The following ITGA9 variants were observed in gnomAD, a reference collection of about 807,000 sequenced individuals.
The protein encoded by ITGA9 is integrin alpha-9.
ITGA9 carries 56 observed loss-of-function variants against 127.8 expected under a neutral mutation model. The observed-to-expected ratio is 0.44, with a 90% confidence interval of 0.35 to 0.55. ITGA9 has a LOEUF of 0.55. Ranked by LOEUF, ITGA9 falls within the 20% of genes least tolerant of loss-of-function variation. The probability of loss-of-function intolerance (pLI) is 0.00; values close to 1 mark genes in which losing one functional copy is unlikely to be tolerated. For missense variants in ITGA9, 1,196 were observed against 1,347.1 expected, an observed-to-expected ratio of 0.89 and a Z score of 1.76; for synonymous variants, 508 against 514.5, an observed-to-expected ratio of 0.99 and a Z score of 0.17.
intron 18 of ITGA9, among the ~76,000 whole-genome samples, chr3:37,712,949 A>G (rs2125679499): frequency 6.6e-6 from 1 of 152,302 alleles, no homozygotes; most frequent in East Asian, 1.9e-4. Context: ...CACTCAGAGC[A>G]GGCAAGTAGC....
At chr3:37,486,292 C>T (rs926890646) in intron 4 of ITGA9, among the ~76,000 whole-genome samples, 2 of 152,190 alleles carry the variant, frequency 1.3e-5, no homozygotes. Flanking sequence ...AATTATGATG[C>T]CATGGTATGT....
At chr3:37,618,167 G>A (rs1371966957) in intron 15 of ITGA9, among the ~76,000 whole-genome samples, 1 of 152,180 alleles carries the variant, frequency 6.6e-6, no homozygotes, top group Non-Finnish European at 1.5e-5. Context: ...TGTTTGTTAG[G>A]TTTCCTTCTA....
chr3:37,499,021 C>T (rs1021455545), intron 5 of ITGA9, among the ~76,000 whole-genome samples: 10 of 152,200 alleles, frequency 6.6e-5, no homozygotes, highest in African/African-American at 2.4e-4. Context: ...CTATGTTGCC[C>T]CAAAATATTT....
intron 15 of ITGA9, among the ~76,000 whole-genome samples, chr3:37,616,574 C>T: frequency 6.6e-6 from 1 of 152,124 alleles, no homozygotes; most frequent in Non-Finnish European, 1.5e-5. Context: ...GTGTTAAAGT[C>T]TCCCATTATA....
chr3:37,472,661 G>T (rs911043996), intron 2 of ITGA9, among the ~76,000 whole-genome samples: 2 of 152,144 alleles, frequency 1.3e-5, no homozygotes, highest in Non-Finnish European at 2.9e-5. Flanking sequence ...CTCCCAAAGT[G>T]CTGGGATTAC....
intron 8 of ITGA9, among the ~76,000 whole-genome samples, chr3:37,510,841 T>C (rs2125574651): frequency 6.6e-6 from 1 of 152,348 alleles, no homozygotes; most frequent in Non-Finnish European, 1.5e-5. Context: ...CTCACAGTCC[T>C]CTTGCCTTCA....
intron 15 of ITGA9, among the ~76,000 whole-genome samples, chr3:37,560,881 G>A (rs1433139536): frequency 6.6e-6 from 1 of 152,224 alleles, no homozygotes; most frequent in East Asian, 1.9e-4. Flanking sequence ...AGGATCAGGT[G>A]TCCACAGGTT....
intron 17 of ITGA9, among the ~76,000 whole-genome samples, chr3:37,662,696 G>A (rs1700549816): frequency 6.6e-6 from 1 of 152,142 alleles, no homozygotes; most frequent in African/African-American, 2.4e-5. Context: ...CTTCACAAGG[G>A]CAACTTGGAC....
At chr3:37,590,238 C>T (rs1699802281) in intron 15 of ITGA9, among the ~76,000 whole-genome samples, 1 of 152,234 alleles carries the variant, frequency 6.6e-6, no homozygotes, top group South Asian at 2.1e-4. Flanking sequence ...TGGGCTCTCC[C>T]TGCTCCCCAT....
In ITGA9 at chr3:37,757,001, C is replaced by T. The variant is rs551551721; in HGVS notation, c.2541+6432C>T. ...AGTGAGCGGTTGTTCATATCAAAAC[C>T]AATGGGATTTAGACAAAACCAACAC... On this transcript the variant is annotated intron_variant, in intron 23 of 27. Coordinates refer to ENST00000264741, the MANE Select transcript of ITGA9 (RefSeq NM_002207.3). 1.9e-4 allele frequency among the ~76,000 whole-genome samples: 29 copies of T among 149,298 alleles called. 1 individual carries two copies. Among genetic ancestry groups the T allele is most frequent in the South Asian group, 1.0e-3 (5 of 4,822 alleles).
rs568122220 is a variant in ITGA9, at chr3:37,578,652, G to T, written c.1689+36067G>T. On this transcript the variant is annotated intron_variant, in intron 15 of 27. Coordinates refer to ENST00000264741, the MANE Select transcript of ITGA9 (RefSeq NM_002207.3). Reference sequence around the variant, plus strand: ...GGCCCTGGACCACCACTCTGATTTGGATTTAGATGGGCTCAGGAATTTTGT... The same window carrying T: ...GGCCCTGGACCACCACTCTGATTTGTATTTAGATGGGCTCAGGAATTTTGT... Among the ~76,000 whole-genome samples, 46 of 152,216 alleles carry T rather than the reference G, an allele frequency of 3.0e-4. No individual in the cohort carries two copies. In the South Asian group the frequency reaches 9.1e-3, roughly 30 times the overall value.
chr3:37,697,564 C>A (rs1414370328), intron 18 of ITGA9, among the ~76,000 whole-genome samples: 1 of 152,042 alleles, frequency 6.6e-6, no homozygotes. Flanking sequence ...CAATTCCCAC[C>A]TATGAGTGAG....
At chr3:37,473,573 C>G (rs1698460047) in intron 3 of ITGA9, 113 bp downstream of exon 3, 1 of 661,998 alleles carries the variant, frequency 1.5e-6, no homozygotes, top group Non-Finnish European at 2.7e-6. Flanking sequence ...GTTGCTTATT[C>G]TGGACTACTG....
intron 15 of ITGA9, among the ~76,000 whole-genome samples, chr3:37,616,304 G>C (rs1700073867): frequency 6.6e-6 from 1 of 152,180 alleles, no homozygotes; most frequent in African/African-American, 2.4e-5. Context: ...CTGAGTTCTA[G>C]TTTGATTGCA....
intron 18 of ITGA9, among the ~76,000 whole-genome samples, chr3:37,722,444 T>A (rs1379692590): frequency 6.6e-6 from 1 of 152,218 alleles, no homozygotes; most frequent in African/African-American, 2.4e-5. Flanking sequence ...AGAACCACCA[T>A]ACTTCTTAGC....
At chr3:37,561,057 C>G (rs1411457943) in intron 15 of ITGA9, among the ~76,000 whole-genome samples, 1 of 152,162 alleles carries the variant, frequency 6.6e-6, no homozygotes, top group Admixed American at 6.6e-5. Context: ...CCCTGAGGGC[C>G]TCGTTTTAAT....
At chr3:37,734,258 A>G (rs1180542690) in intron 19 of ITGA9, among the ~76,000 whole-genome samples, 1 of 152,256 alleles carries the variant, frequency 6.6e-6, no homozygotes, top group Non-Finnish European at 1.5e-5. Context: ...ATTAGACTCC[A>G]GGTAGGGTGA....
At chr3:37,461,908 G>C (rs974181787) in intron 1 of ITGA9, among the ~76,000 whole-genome samples, 4 of 152,108 alleles carry the variant, frequency 2.6e-5, no homozygotes, top group Admixed American at 6.5e-5. Context: ...CCCACCCCAG[G>C]CTCCAGATAA....
At chr3:37,482,318 C>T (rs989784170) in intron 4 of ITGA9, among the ~76,000 whole-genome samples, 1 of 152,238 alleles carries the variant, frequency 6.6e-6, no homozygotes, top group Non-Finnish European at 1.5e-5. Flanking sequence ...AATGTATCCT[C>T]TCAGACTTAG....
Sources: gnomAD v4.1 joint callset for allele counts (sites outside exome capture counted in the v4.1 genomes callset) on GRCh38, gnomAD v4.1.1 for gene constraint, MANE v1.5 for transcripts, NCBI Gene and HGNC (gene_info 2026-07-23, HGNC 2026-07-21) for gene names.